NCAM1: variants seen among roughly 807,000 people sequenced by gnomAD.
NCAM1 encodes the protein neural cell adhesion molecule 1.
A neutral mutation model predicts 109.8 loss-of-function variants in NCAM1; 14 were observed. The observed-to-expected ratio is 0.13, with a 90% CI of 0.08 to 0.20. The LOEUF (loss-of-function observed/expected upper bound fraction) is 0.20. Among genes scored for constraint, NCAM1 ranks in the 10% least tolerant of loss-of-function variants. The pLI, the probability that NCAM1 is intolerant of heterozygous loss-of-function variation, is 1.00. For synonymous variants in NCAM1, 418 were observed against 442.9 expected (o/e 0.94, Z 0.70); for missense variants, 774 against 1,109.9 (o/e 0.70, Z 4.30).
chr11:113,190,097 A>G (rs1943633189), intron 1 of NCAM1, among the ~76,000 whole-genome samples: 1 of 152,078 alleles, frequency 6.6e-6, no homozygotes. Flanking sequence ...AGCCCTCCCA[A>G]CTGACTCCAC....
intron 1 of NCAM1, among the ~76,000 whole-genome samples, chr11:112,996,757 C>T (rs1951607422): frequency 1.3e-5 from 2 of 152,086 alleles, no homozygotes; most frequent in Admixed American, 1.3e-4. Flanking sequence ...AATGGGAGAG[C>T]CCCTAGTTTG....
At chr11:113,178,885 C>T (rs942390541) in intron 1 of NCAM1, among the ~76,000 whole-genome samples, 1 of 152,208 alleles carries the variant, frequency 6.6e-6, no homozygotes, top group South Asian at 2.1e-4. Flanking sequence ...AGCTCACTCA[C>T]CTGCTGCTAA....
rs149086621 is a variant in NCAM1 at position 113,123,026 on chromosome 11, A to C, written c.53-79353A>C. Among the ~76,000 whole-genome samples, 314 of 152,288 alleles carry C rather than the reference A, an allele frequency of 2.1e-3. 2 individuals carry two copies. The highest frequency in any genetic ancestry group is 7.2e-3 in the African/African-American group (300 of 41,566). ...AAATGTTGATCTCAAGGAGGTAGAG[A>C]GTAGAATGATGGTTACCAGAGGCAG... is the stretch of plus-strand genomic sequence containing the variant. On this transcript the variant is annotated intron_variant, in intron 1 of 19. Transcript: ENST00000316851.
At chr11:112,973,189 T>A (rs1472654129) in intron 1 of NCAM1, among the ~76,000 whole-genome samples, 1 of 152,188 alleles carries the variant, frequency 6.6e-6, no homozygotes, top group African/African-American at 2.4e-5. Context: ...ACAAATTGGA[T>A]GTGCTGTTTT....
intron 9 of NCAM1, among the ~76,000 whole-genome samples, chr11:113,222,116 T>C (rs1555115449): frequency 2.0e-5 from 3 of 152,172 alleles, no homozygotes; most frequent in African/African-American, 4.8e-5. Flanking sequence ...TAACATATAG[T>C]GAAAATGAAA....
chr11:113,264,463 C>T lies in NCAM1; in HGVS notation c.2131+4140C>T, dbSNP rs570277647. 1.6e-3 allele frequency: 1,611 copies of T among 985,660 alleles called. 6 individuals are homozygous for T. The highest frequency in any genetic ancestry group is 0.011 in the South Asian group (244 of 21,284). 61.1% of individuals were successfully genotyped at this position (985,660 alleles called of 1,614,324 possible). ...CTCAACCCAGCCACAAAACTCTCCC[C>T]GCTGGAGTCCCAGATGGCGCTTCAC... On this transcript the variant is annotated intron_variant, in intron 17 of 19. Coordinates refer to ENST00000316851, the MANE Select transcript of NCAM1 (RefSeq NM_181351.5).
intron 1 of NCAM1, among the ~76,000 whole-genome samples, chr11:113,128,858 A>G (rs1176196907): frequency 6.6e-6 from 1 of 151,658 alleles, no homozygotes; most frequent in South Asian, 2.1e-4. Flanking sequence ...AATTATTGAC[A>G]TTCATGACCT....
At chr11:113,075,619 G>A (rs1555085997) in intron 1 of NCAM1, among the ~76,000 whole-genome samples, 1 of 152,136 alleles carries the variant, frequency 6.6e-6, no homozygotes, top group African/African-American at 2.4e-5. Flanking sequence ...AGTTTGAATA[G>A]GGCTACATTG....
intron 17 of NCAM1, chr11:113,264,930 C>G: frequency 4.1e-6 from 4 of 985,732 alleles, no homozygotes; most frequent in Non-Finnish European, 4.8e-6. Flanking sequence ...CGCCAGGAGT[C>G]CTGGAGACAG....
chr11:113,051,669 TTC>T (rs1555081792), intron 1 of NCAM1, among the ~76,000 whole-genome samples: 1 of 152,212 alleles, frequency 6.6e-6, no homozygotes, highest in African/African-American at 2.4e-5. Context: ...ATAGCATCAT[TTC>T]TCTGTGTCAT....
intron 9 of NCAM1, among the ~76,000 whole-genome samples, chr11:113,223,420 T>C (rs1246339271): frequency 6.6e-6 from 1 of 151,968 alleles, no homozygotes; most frequent in African/African-American, 2.4e-5. Flanking sequence ...AATTTCCACA[T>C]GGAGAAATTT....
intron 9 of NCAM1, among the ~76,000 whole-genome samples, chr11:113,224,454 C>A (rs1944778219): frequency 6.6e-6 from 1 of 152,242 alleles, no homozygotes; most frequent in Admixed American, 6.5e-5. Flanking sequence ...CTGGGTGGAG[C>A]CCACCACAGC....
intron 1 of NCAM1, among the ~76,000 whole-genome samples, chr11:113,088,239 C>G (rs1939176216): frequency 6.6e-6 from 1 of 152,198 alleles, no homozygotes; most frequent in Non-Finnish European, 1.5e-5. Context: ...TTGTCTCTAA[C>G]TTCAAATCAC....
At chr11:113,243,407 G>T in intron 14 of NCAM1, 1 of 348,382 alleles carries the variant, frequency 2.9e-6, no homozygotes, top group Admixed American at 3.3e-5. Context: ...CTCCTTTCAG[G>T]CTCCCGCCTC....
At chr11:113,243,948 G>A (rs973232928) in intron 14 of NCAM1, among the ~76,000 whole-genome samples, 1 of 152,134 alleles carries the variant, frequency 6.6e-6, no homozygotes, top group East Asian at 1.9e-4. Flanking sequence ...TGTTCCCTCC[G>A]TGTGTGTGCT....
At chr11:113,258,383 G>A (rs1194926836) in intron 16 of NCAM1, among the ~76,000 whole-genome samples, 2 of 152,144 alleles carry the variant, frequency 1.3e-5, no homozygotes, top group African/African-American at 2.4e-5. Flanking sequence ...TAGTCCCGAG[G>A]TACCTCCATC....
In NCAM1 at chr11:113,273,005, C is replaced by T; in HGVS notation, c.2456+1129C>T. The stretch of plus-strand genomic sequence containing the variant: ...TCACCACCGTCACCACTAACTCTGA[C>T]ACTATCACCGAAACCTTTGCCACTG... On this transcript the variant is annotated intron_variant, in intron 19 of 19. Transcript: ENST00000316851. The surrounding 1 kb of genome is among the most constrained non-coding windows in gnomAD (Gnocchi z 6.0). The T allele has an allele frequency of 2.2e-6, 1 of 456,954 alleles. No homozygotes were observed. The highest frequency in any genetic ancestry group is 3.3e-4 in the Middle Eastern group (1 of 3,076). 28.3% of individuals were successfully genotyped at this position (456,954 alleles called of 1,614,324 possible). A position where few individuals can be genotyped will look rare whatever the true frequency, so the allele number is the denominator to read the frequency against.
At chr11:113,110,516 A>G (rs1443504650) in intron 1 of NCAM1, among the ~76,000 whole-genome samples, 1 of 152,214 alleles carries the variant, frequency 6.6e-6, no homozygotes, top group East Asian at 1.9e-4. Flanking sequence ...GGTTTGGGTC[A>G]TTCATATAGG....
At chr11:113,165,486 T>G (rs1355636609) in intron 1 of NCAM1, among the ~76,000 whole-genome samples, 2 of 152,148 alleles carry the variant, frequency 1.3e-5, no homozygotes, top group Non-Finnish European at 2.9e-5. Flanking sequence ...CTTCTCAGAC[T>G]AAGTCAGGGC....
Sources: gnomAD v4.1 joint callset for allele counts (sites outside exome capture counted in the v4.1 genomes callset) on GRCh38, gnomAD v4.1.1 for gene constraint, Gnocchi (gnomAD v3.1) non-coding constraint, MANE v1.5 for transcripts, NCBI Gene and HGNC (gene_info 2026-07-23, HGNC 2026-07-21) for gene names.